Variants in BMPR1B observed in about 807,000 individuals in gnomAD.
BMPR1B encodes the protein bone morphogenetic protein receptor type-1B.
In BMPR1B, 12 loss-of-function variants were observed where a neutral mutation model predicts 59.1. That is an observed-to-expected ratio of 0.20 (90% confidence interval 0.13 to 0.33). The LOEUF is 0.33. BMPR1B is among the 10% of genes least tolerant of loss of function. The probability of loss-of-function intolerance (pLI) is 1.00; values close to 1 mark genes in which losing one functional copy is unlikely to be tolerated. For missense variants in BMPR1B, 550 were observed against 610.9 expected (o/e 0.90, Z 1.05); for synonymous variants, 237 against 207.3 (o/e 1.14, Z -1.23).
intron 1 of BMPR1B, among the ~76,000 whole-genome samples, chr4:94,869,284 A>G (rs1377253239): frequency 2.6e-5 from 4 of 152,192 alleles, no homozygotes; most frequent in South Asian, 2.1e-4. Context: ...TATGAAAACA[A>G]TTTTACACTT....
intron 9 of BMPR1B, among the ~76,000 whole-genome samples, chr4:95,130,538 A>G (rs1240530261): frequency 1.3e-5 from 2 of 152,090 alleles, no homozygotes; most frequent in Non-Finnish European, 2.9e-5. Context: ...CAAGAATTCA[A>G]GACCCTGTTT....
intron 2 of BMPR1B, among the ~76,000 whole-genome samples, chr4:94,906,706 TGATA>T: frequency 6.6e-6 from 1 of 152,050 alleles, no homozygotes; most frequent in Non-Finnish European, 1.5e-5. Flanking sequence ...CTCCTTGGCC[TGATA>T]GATTGTTGAA....
At chr4:95,097,134 ATATAAC>A (rs1454824018) in intron 3 of BMPR1B, among the ~76,000 whole-genome samples, 6 of 68,006 alleles carry the variant, frequency 8.8e-5, no homozygotes, top group Admixed American at 1.6e-4. Flanking sequence ...ATTAATTTAT[ATATAAC>A]TAATATATAT....
At chr4:94,826,321 T>C (rs1261218426) in intron 1 of BMPR1B, among the ~76,000 whole-genome samples, 2 of 152,234 alleles carry the variant, frequency 1.3e-5, no homozygotes. Flanking sequence ...ATGTTATTTC[T>C]CTGTCAAATG....
In BMPR1B at chr4:94,967,788, T is replaced by C. The variant is rs575602426; in HGVS notation, c.-112-28252T>C. Among the ~76,000 whole-genome samples, 10 of 152,282 alleles carry C rather than the reference T, an allele frequency of 6.6e-5. No individual in the cohort carries two copies. The East Asian group carries it at 1.9e-3, about 29-fold the overall frequency. On this transcript the variant is annotated intron_variant, in intron 2 of 12. Transcript: ENST00000515059. Reference sequence around the variant, plus strand: ...ATGAGCCACTGCGCCTGGCCTAGAATAGATAACTTTGATTTACAAGTGTTT... The same window carrying C: ...ATGAGCCACTGCGCCTGGCCTAGAACAGATAACTTTGATTTACAAGTGTTT...
intron 3 of BMPR1B, among the ~76,000 whole-genome samples, chr4:95,066,914 G>A (rs1053438892): frequency 9.9e-5 from 15 of 152,186 alleles, no homozygotes; most frequent in Admixed American, 8.5e-4. Flanking sequence ...AAATGCATTT[G>A]TGAGCACAGT....
chr4:95,154,840 G>A lies in BMPR1B; in HGVS notation c.*167G>A. 1 of 886,622 alleles carries A rather than the reference G, an allele frequency of 1.1e-6. No homozygotes were observed. Among genetic ancestry groups the A allele is most frequent in the Non-Finnish European group, 1.7e-6 (1 of 573,344 alleles). 54.9% of individuals were successfully genotyped at this position (886,622 alleles called of 1,614,324 possible). A position where few individuals can be genotyped will look rare whatever the true frequency, so the allele number is the denominator to read the frequency against. ...TCAGGGAGCGACCTGGGCAAAGACA[G>A]AGAAGCTCCCAGAAGGAGAGATTGA... On this transcript the variant is annotated 3_prime_UTR_variant, in exon 13 of 13. Coordinates refer to ENST00000515059, the MANE Select transcript of BMPR1B (RefSeq NM_001203.3).
intron 4 of BMPR1B, 23 bp from the exon 5 acceptor site, chr4:95,114,697 C>T (rs1384530585): frequency 1.3e-6 from 2 of 1,580,790 alleles, no homozygotes; most frequent in Admixed American, 1.7e-5. Context: ...TTCTGTTTCT[C>T]ACTTTGCTTG....
chr4:95,121,770 G>T (rs1469717459), intron 6 of BMPR1B, among the ~76,000 whole-genome samples: 1 of 151,962 alleles, frequency 6.6e-6, no homozygotes, highest in Non-Finnish European at 1.5e-5. Flanking sequence ...CACATTGATG[G>T]TAAAATAGAA....
chr4:95,032,590 A>G (rs13134993), intron 3 of BMPR1B, among the ~76,000 whole-genome samples: 52,053 of 152,024 alleles, frequency 0.34, 9,590 homozygotes, highest in African/African-American at 0.48. Context: ...ATTTGACTCT[A>G]TATAGCTCAT....
At chr4:95,100,114 A>G (rs1730714365) in intron 3 of BMPR1B, among the ~76,000 whole-genome samples, 1 of 152,006 alleles carries the variant, frequency 6.6e-6, no homozygotes, top group East Asian at 1.9e-4. Flanking sequence ...TATTATCCAC[A>G]TTTAGCATTA....
chr4:95,158,248 C>A lies in BMPR1B; in HGVS notation c.*3575C>A, dbSNP rs1008984924. On this transcript the variant is annotated 3_prime_UTR_variant, in exon 13 of 13. Transcript: ENST00000515059. ...GCCATATTTTTTGGAGAAAAGTTGG[C>A]AATATAGGGGTTTCGTTGTCTGTTT... 1.6e-4 allele frequency: 25 copies of A among 152,028 alleles called. No homozygotes were observed. The highest frequency in any genetic ancestry group is 5.8e-4 in the African/African-American group (24 of 41,396). 9.4% of individuals were successfully genotyped at this position (152,028 alleles called of 1,614,324 possible).
At chr4:95,131,828 A>G (rs908129112) in intron 10 of BMPR1B, among the ~76,000 whole-genome samples, 13 of 152,218 alleles carry the variant, frequency 8.5e-5, no homozygotes, top group African/African-American at 3.1e-4. Flanking sequence ...AGTAGGAAAA[A>G]GTTTTGGGGA....
At chr4:95,057,354 C>T (rs924891909) in intron 3 of BMPR1B, among the ~76,000 whole-genome samples, 1 of 152,032 alleles carries the variant, frequency 6.6e-6, no homozygotes, top group Non-Finnish European at 1.5e-5. Flanking sequence ...AAGTGATTCT[C>T]CTGCCTCAGC....
At chr4:95,116,421 G>GCGCGCGCGCACACACACACACACACA in intron 6 of BMPR1B, among the ~76,000 whole-genome samples, 38 of 123,248 alleles carry the variant, frequency 3.1e-4, no homozygotes, top group Middle Eastern at 4.4e-3. Flanking sequence ...TTCAGCGCGC[G>GCGCGCGCGCACACACACACACACACA]CACACACACA....
chr4:94,797,381 C>T (rs1723236803), intron 1 of BMPR1B, among the ~76,000 whole-genome samples: 2 of 151,928 alleles, frequency 1.3e-5, no homozygotes, highest in Admixed American at 1.3e-4. Flanking sequence ...TCTTTATTTC[C>T]AGAATAGGGA....
rs566087720 is a variant in BMPR1B at position 94,880,575 on chromosome 4, T to C, written c.-113+4675T>C. ...TCTCAGCTCAAGCAGTCCTCCTGCC[T>C]TGGCCTCCTGAAGTACTGGGATTAG... On this transcript the variant is annotated intron_variant, in intron 2 of 12. Transcript: ENST00000515059. 5.9e-5 allele frequency among the ~76,000 whole-genome samples: 9 copies of C among 152,116 alleles called. No individual in the cohort carries two copies. The East Asian group carries it at 1.7e-3, about 29-fold the overall frequency.
intron 3 of BMPR1B, among the ~76,000 whole-genome samples, chr4:95,101,952 A>G (rs1730856463): frequency 6.6e-6 from 1 of 152,058 alleles, no homozygotes; most frequent in African/African-American, 2.4e-5. Flanking sequence ...TTCTCTTATT[A>G]TAGTGGGATT....
At chr4:94,971,099 A>G (rs901130537) in intron 2 of BMPR1B, among the ~76,000 whole-genome samples, 4 of 152,178 alleles carry the variant, frequency 2.6e-5, no homozygotes, top group Non-Finnish European at 5.9e-5. Context: ...TTTACATTTG[A>G]TGAATTACTT....
Sources: allele counts gnomAD v4.1 joint callset (sites outside exome capture counted in the v4.1 genomes callset), GRCh38; gene constraint gnomAD v4.1.1; transcripts MANE v1.5; gene names NCBI Gene and HGNC (gene_info 2026-07-23, HGNC 2026-07-21).